Variants in SNTG2 observed in about 807,000 individuals in gnomAD.
The protein encoded by SNTG2 is syntrophin gamma 2, also known as gamma-2-syntrophin.
A neutral mutation model predicts 70.9 loss-of-function variants in SNTG2; 74 were observed. The ratio of observed to expected loss-of-function variants is 1.04; its 90% CI spans 0.86 to 1.27. SNTG2 has a LOEUF of 1.27. SNTG2 is among the 50% of genes most tolerant of loss of function. The pLI is 0.00. For synonymous variants in SNTG2, 278 were observed against 273.8 expected (o/e 1.02, Z -0.15); for missense variants, 717 against 690.7 (o/e 1.04, Z -0.43).
rs561524424 is a variant in SNTG2 at position 1,172,252 on chromosome 2, A to T, written c.500-840A>T. On this transcript the variant is annotated intron_variant, in intron 7 of 16. Coordinates refer to ENST00000308624, the MANE Select transcript of SNTG2 (RefSeq NM_018968.4). Reference sequence around the variant, plus strand: ...AACAGGGCCTGCTCTCCACTCAGGGATGCATCAAAGGCTCCTTTCTCAGTG... The same window carrying T: ...AACAGGGCCTGCTCTCCACTCAGGGTTGCATCAAAGGCTCCTTTCTCAGTG... 7.2e-5 allele frequency among the ~76,000 whole-genome samples: 11 copies of T among 152,238 alleles called. No individual in the cohort carries two copies. The South Asian group carries it at 1.5e-3, about 20-fold the overall frequency.
intron 1 of SNTG2, among the ~76,000 whole-genome samples, chr2:1,032,749 A>G (rs1327061442): frequency 6.7e-6 from 1 of 148,938 alleles, no homozygotes; most frequent in South Asian, 2.1e-4. Flanking sequence ...ATTGGTAGAT[A>G]CACCCTTGGT....
In SNTG2 at chr2:1,308,498, G is replaced by C; in HGVS notation, c.1289G>C (p.Arg430Thr). The C allele has an allele frequency of 6.4e-7, 1 of 1,551,356 alleles. No individual in the cohort carries two copies. Among genetic ancestry groups the C allele is most frequent in the Non-Finnish European group, 8.7e-7 (1 of 1,146,834 alleles). The part of the protein sequence containing the change: ...TFMEVQRTGS[R>T]TYMCSWQGEM... ...AAAATTGATACTTTTTTCTAGTCCA[G>C]AACATACATGTGCAGCTGGCAAGGA... The change falls in exon 15 of 17, where the codon AGA becomes ACA. Residue 430 changes from arginine to threonine, a missense_variant. Transcript: ENST00000308624.
chr2:1,264,465 C>T (rs932471200), intron 13 of SNTG2, among the ~76,000 whole-genome samples: 9 of 152,304 alleles, frequency 5.9e-5, no homozygotes, highest in Middle Eastern at 6.8e-3. Flanking sequence ...AATAACACCC[C>T]GGGACCCACA....
chr2:1,285,166 T>C (rs377144633), intron 14 of SNTG2, among the ~76,000 whole-genome samples: 2 of 152,098 alleles, frequency 1.3e-5, no homozygotes, highest in Admixed American at 6.5e-5. Flanking sequence ...AATCTAGACT[T>C]TTCATGTTTT....
chr2:1,299,280 G>A (rs965069250), intron 14 of SNTG2, among the ~76,000 whole-genome samples: 7 of 152,184 alleles, frequency 4.6e-5, no homozygotes, highest in Non-Finnish European at 8.8e-5. Flanking sequence ...AGGAATGTCC[G>A]CAAACCAAGT....
At chr2:977,526 C>T (rs144648777) in intron 1 of SNTG2, among the ~76,000 whole-genome samples, 166 of 152,288 alleles carry the variant, frequency 1.1e-3, no homozygotes, top group Non-Finnish European at 1.8e-3. Flanking sequence ...TTTAAGGCAC[C>T]GTATCCTGCA....
At chr2:1,317,143 C>T (rs868541907) in intron 16 of SNTG2, among the ~76,000 whole-genome samples, 10 of 82,548 alleles carry the variant, frequency 1.2e-4, no homozygotes, top group African/African-American at 3.8e-4. Flanking sequence ...GAGCATCAGG[C>T]CAGCATTGGA....
chr2:977,053 C>A (rs573205641), intron 1 of SNTG2, among the ~76,000 whole-genome samples: 1 of 152,156 alleles, frequency 6.6e-6, no homozygotes, highest in Non-Finnish European at 1.5e-5. Context: ...CTCTGCACGG[C>A]CTTCCTAGCT....
At chr2:1,171,119 T>C (rs575928656) in intron 7 of SNTG2, among the ~76,000 whole-genome samples, 303 of 152,344 alleles carry the variant, frequency 2.0e-3, no homozygotes, top group Non-Finnish European at 3.6e-3. Flanking sequence ...AAGTCTATTT[T>C]TCTCATTAAG....
intron 1 of SNTG2, among the ~76,000 whole-genome samples, chr2:1,054,937 TTTTG>T (rs1473951606): frequency 2.7e-4 from 3 of 10,996 alleles, no homozygotes; most frequent in Non-Finnish European, 1.6e-3. Flanking sequence ...GCTTTTTTTG[TTTTG>T]TTTTTGTTTT....
chr2:1,008,071 G>A (rs11693835), intron 1 of SNTG2, among the ~76,000 whole-genome samples: 56,790 of 152,000 alleles, frequency 0.37, 11,167 homozygotes, highest in Middle Eastern at 0.53. Context: ...ATTTTGTGGG[G>A]GGCTTGTTAT....
intron 1 of SNTG2, among the ~76,000 whole-genome samples, chr2:1,037,432 T>G (rs1246314860): frequency 6.6e-6 from 1 of 152,214 alleles, no homozygotes; most frequent in African/African-American, 2.4e-5. Context: ...CACAGAGTTG[T>G]GCAGCCTTTG....
intron 1 of SNTG2, among the ~76,000 whole-genome samples, chr2:1,063,045 C>T (rs537435845): frequency 2.0e-5 from 3 of 152,266 alleles, no homozygotes; most frequent in African/African-American, 7.2e-5. Context: ...CTTAATTGTC[C>T]TTACACTTTG....
At chr2:1,271,533 G>A (rs946509946) in intron 14 of SNTG2, among the ~76,000 whole-genome samples, 1 of 152,078 alleles carries the variant, frequency 6.6e-6, no homozygotes, top group African/African-American at 2.4e-5. Flanking sequence ...TTGGCTACAA[G>A]TAAGAGAAAG....
chr2:1,339,412 G>A (rs1659974173), intron 16 of SNTG2, among the ~76,000 whole-genome samples: 1 of 152,168 alleles, frequency 6.6e-6, no homozygotes, highest in Non-Finnish European at 1.5e-5. Flanking sequence ...TGACAGCAGT[G>A]TTTTAAACTC....
intron 1 of SNTG2, among the ~76,000 whole-genome samples, chr2:1,076,058 C>T (rs1240577334): frequency 6.6e-6 from 1 of 152,208 alleles, no homozygotes; most frequent in Non-Finnish European, 1.5e-5. Context: ...CCACCTCCTC[C>T]AGGGGCTTAT....
intron 8 of SNTG2, among the ~76,000 whole-genome samples, chr2:1,204,986 A>T (rs1371942736): frequency 2.0e-5 from 3 of 152,202 alleles, no homozygotes; most frequent in Admixed American, 6.5e-5. Context: ...AAAAATTATT[A>T]TGTGCAGTAT....
At chr2:1,176,611 A>G (rs1291212129) in intron 8 of SNTG2, among the ~76,000 whole-genome samples, 1 of 151,936 alleles carries the variant, frequency 6.6e-6, no homozygotes, top group African/African-American at 2.4e-5. Flanking sequence ...ACAAAGGTCT[A>G]ATATCCAGAA....
intron 1 of SNTG2, among the ~76,000 whole-genome samples, chr2:1,040,380 G>A (rs558532662): frequency 1.3e-5 from 2 of 152,220 alleles, no homozygotes; most frequent in African/African-American, 4.8e-5. Context: ...CTCGGATTCC[G>A]GCTCCCATGG....
Sources: gnomAD v4.1 joint callset for allele counts (sites outside exome capture counted in the v4.1 genomes callset) on GRCh38, gnomAD v4.1.1 for gene constraint, MANE v1.5 for transcripts, NCBI Gene and HGNC (gene_info 2026-07-23, HGNC 2026-07-21) for gene names.